The following LUZP2 variants were observed in gnomAD, a reference collection of about 807,000 sequenced individuals.
LUZP2 encodes the protein leucine zipper protein 2.
In LUZP2, 52 loss-of-function variants were observed where a neutral mutation model predicts 51.6. The observed-to-expected ratio is 1.01, with a 90% CI of 0.81 to 1.27. The LOEUF is 1.27. Among genes scored for constraint, LUZP2 ranks in the 50% most tolerant of loss-of-function variants. The pLI is 0.00. For synonymous variants in LUZP2, 154 were observed against 137.3 expected, an observed-to-expected ratio of 1.12 and a Z score of -0.85; for missense variants, 436 against 395.4, an observed-to-expected ratio of 1.10 and a Z score of -0.87.
At chr11:24,764,489 C>CA (rs1565124723) in intron 5 of LUZP2, among the ~76,000 whole-genome samples, 1 of 56,418 alleles carries the variant, frequency 1.8e-5, no homozygotes, top group Admixed American at 2.1e-4. Flanking sequence ...AATCTCATCT[C>CA]TAAAAAAAAA....
chr11:24,527,567 T>TCTCTCA (rs796404136), intron 1 of LUZP2, among the ~76,000 whole-genome samples: 25 of 131,642 alleles, frequency 1.9e-4, no homozygotes, highest in South Asian at 5.0e-4. Context: ...TCTCTCTCTC[T>TCTCTCA]CACACACACA....
At chr11:24,742,002 TTA>T (rs1207545046) in intron 4 of LUZP2, among the ~76,000 whole-genome samples, 3 of 133,906 alleles carry the variant, frequency 2.2e-5, no homozygotes, top group Non-Finnish European at 4.7e-5. Context: ...AATGTATATA[TTA>T]TATATAAATA....
chr11:24,543,130 T>C (rs919439594), intron 1 of LUZP2, among the ~76,000 whole-genome samples: 3 of 152,036 alleles, frequency 2.0e-5, no homozygotes, highest in African/African-American at 7.2e-5. Flanking sequence ...ATATATTTAA[T>C]TGTAGGACAG....
chr11:24,928,942 C>T (rs915550840), intron 7 of LUZP2, among the ~76,000 whole-genome samples: 3 of 151,910 alleles, frequency 2.0e-5, no homozygotes, highest in Non-Finnish European at 4.4e-5. Flanking sequence ...TCTATTTTTT[C>T]CCAGTTTAAT....
chr11:24,947,746 C>T (rs1322841554), intron 7 of LUZP2, among the ~76,000 whole-genome samples: 4 of 151,788 alleles, frequency 2.6e-5, no homozygotes, highest in Non-Finnish European at 5.9e-5. Flanking sequence ...TGGGTGATAT[C>T]TGTTTTATCC....
intron 4 of LUZP2, among the ~76,000 whole-genome samples, chr11:24,748,186 C>T (rs1207247039): frequency 6.6e-6 from 1 of 152,138 alleles, no homozygotes; most frequent in Non-Finnish European, 1.5e-5. Flanking sequence ...GCAGGAATGG[C>T]CTGCTTGGGG....
At chr11:25,035,527 A>C (rs1857829249) in intron 9 of LUZP2, among the ~76,000 whole-genome samples, 1 of 152,082 alleles carries the variant, frequency 6.6e-6, no homozygotes, top group Admixed American at 6.6e-5. Flanking sequence ...CTGATGAAAA[A>C]AAACCAGGTA....
intron 4 of LUZP2, 59 bp from the exon 5 acceptor site, chr11:24,763,187 A>T (rs1357602816): frequency 2.6e-6 from 2 of 762,984 alleles, no homozygotes; most frequent in East Asian, 3.0e-5. Flanking sequence ...TGAAAAAAAT[A>T]ATGAAAGCCA....
chr11:24,853,883 A>G (rs1432930704), intron 5 of LUZP2, among the ~76,000 whole-genome samples: 2 of 152,122 alleles, frequency 1.3e-5, no homozygotes, highest in Non-Finnish European at 2.9e-5. Flanking sequence ...CCCCTCAGCT[A>G]CAGGTCTGTT....
rs369631613 is a variant in LUZP2, at chr11:25,045,878, C to G, written c.766-4160C>G. ...TACATGCAAAAAATACTGATCTTTACCAATTTTAGTAAAGGAGATTTCTTG... is the reference window on the plus strand; with the variant it reads ...TACATGCAAAAAATACTGATCTTTAGCAATTTTAGTAAAGGAGATTTCTTG... On this transcript the variant is annotated intron_variant, in intron 9 of 11. Transcript: ENST00000336930. Among the ~76,000 whole-genome samples, 46 of 152,148 alleles carry G rather than the reference C, an allele frequency of 3.0e-4. No homozygotes were observed. The East Asian group carries it at 6.2e-3, about 20-fold the overall frequency.
chr11:24,729,280 T>C lies in LUZP2; in HGVS notation c.174T>C (p.Asn58=), dbSNP rs1430115921. Residue 58 remains asparagine (N), a synonymous_variant, in exon 2 of 12, where the codon AAT becomes AAC. Transcript: ENST00000336930. ...TSRELDGIKV[N]LQSLKNDEQS... is the part of the protein sequence containing the mutation. ...GAGAACTTGATGGAATTAAAGTCAA[T>C]CTTCAGGTGAGATGAGAACTCATTT... The C allele has an allele frequency of 1.3e-6, 2 of 1,526,260 alleles. No individual in the cohort carries two copies. Among genetic ancestry groups the C allele is most frequent in the Non-Finnish European group, 1.8e-6 (2 of 1,118,912 alleles). The allele number at this position is 1,526,260 out of a possible 1,614,324, so 94.5% of individuals were successfully genotyped here. A position where few individuals can be genotyped will look rare whatever the true frequency, so the allele number is the denominator to read the frequency against.
intron 1 of LUZP2, among the ~76,000 whole-genome samples, chr11:24,677,927 C>G (rs1211860223): frequency 6.6e-6 from 1 of 151,906 alleles, no homozygotes; most frequent in Non-Finnish European, 1.5e-5. Flanking sequence ...GTCCCAGCTA[C>G]TCGGGAGGCT....
chr11:25,054,053 G>T (rs11028389), intron 10 of LUZP2, among the ~76,000 whole-genome samples: 55,658 of 151,950 alleles, frequency 0.37, 12,475 homozygotes, highest in East Asian at 0.78. Flanking sequence ...ATTTATTAAA[G>T]ATATTACATA....
intron 7 of LUZP2, among the ~76,000 whole-genome samples, chr11:24,950,589 G>T (rs1259192475): frequency 1.3e-5 from 2 of 151,530 alleles, no homozygotes; most frequent in Non-Finnish European, 3.0e-5. Flanking sequence ...CAGAAATTTA[G>T]CAGTTCTTTT....
chr11:24,792,207 C>T (rs566283305), intron 5 of LUZP2, among the ~76,000 whole-genome samples: 4 of 151,816 alleles, frequency 2.6e-5, no homozygotes, highest in East Asian at 1.9e-4. Flanking sequence ...GGCAGGCGGG[C>T]CATGAGGTCA....
chr11:24,728,382 G>T (rs1197317578), intron 1 of LUZP2, among the ~76,000 whole-genome samples: 3 of 151,880 alleles, frequency 2.0e-5, no homozygotes, highest in Admixed American at 2.0e-4. Flanking sequence ...ATGTTTTGCT[G>T]AAATCAATCC....
At chr11:24,579,366 T>C (rs1852770246) in intron 1 of LUZP2, among the ~76,000 whole-genome samples, 1 of 152,082 alleles carries the variant, frequency 6.6e-6, no homozygotes, top group South Asian at 2.1e-4. Context: ...ATATACACTA[T>C]AGATATGAGA....
chr11:24,555,564 A>C (rs1276201738), intron 1 of LUZP2, among the ~76,000 whole-genome samples: 1 of 152,222 alleles, frequency 6.6e-6, no homozygotes, highest in East Asian at 1.9e-4. Context: ...GGACTAGTTT[A>C]GTTCTTAGCA....
chr11:25,014,181 G>C (rs1268374493), intron 9 of LUZP2, among the ~76,000 whole-genome samples: 2 of 152,106 alleles, frequency 1.3e-5, no homozygotes, highest in Admixed American at 6.6e-5. Context: ...CCAAGTCTTT[G>C]CTATTGTGAA....
Sources: gnomAD v4.1 joint callset for allele counts (sites outside exome capture counted in the v4.1 genomes callset) on GRCh38, gnomAD v4.1.1 for gene constraint, MANE v1.5 for transcripts, NCBI Gene and HGNC (gene_info 2026-07-23, HGNC 2026-07-21) for gene names.